The following NR2F1-AS1 variants were observed in gnomAD, a reference collection of about 807,000 sequenced individuals.
The protein encoded by NR2F1-AS1 is NR2F1 antisense RNA 1.
intron 4 of NR2F1-AS1, among the ~76,000 whole-genome samples, chr5:93,548,723 T>TG (rs1752151682): frequency 6.6e-6 from 1 of 151,102 alleles, no homozygotes; most frequent in South Asian, 2.1e-4. Flanking sequence ...AAAAAAAAAT[T>TG]GACTGGGTGT....
intron 4 of NR2F1-AS1, among the ~76,000 whole-genome samples, chr5:93,550,865 A>G (rs1223309537): frequency 6.6e-6 from 1 of 152,220 alleles, no homozygotes; most frequent in Non-Finnish European, 1.5e-5. Context: ...AACCTGATTC[A>G]TAATTCACTT....
At chr5:93,563,569 C>T (rs1158506562) in intron 1 of NR2F1-AS1, 1 of 152,140 alleles carries the variant, frequency 6.6e-6, no homozygotes, top group African/African-American at 2.4e-5. Context: ...AATATTCTCA[C>T]ACACACCCTA....
At chr5:93,433,457 G>C (rs1246512921) in intron 4 of NR2F1-AS1, among the ~76,000 whole-genome samples, 2 of 152,134 alleles carry the variant, frequency 1.3e-5, no homozygotes, top group East Asian at 1.9e-4. Flanking sequence ...GCTCAGGCAG[G>C]GTTCCTCTCT....
At chr5:93,556,344 T>C (rs760270838) in intron 2 of NR2F1-AS1, among the ~76,000 whole-genome samples, 11 of 152,218 alleles carry the variant, frequency 7.2e-5, no homozygotes, top group Non-Finnish European at 1.3e-4. Context: ...AAAGCAAATG[T>C]TCATACATGA....
intron 4 of NR2F1-AS1, among the ~76,000 whole-genome samples, chr5:93,420,993 C>T (rs1176542320): frequency 6.6e-6 from 1 of 152,174 alleles, no homozygotes; most frequent in Non-Finnish European, 1.5e-5. Context: ...TATCCAAAAT[C>T]ATGCTTCATA....
chr5:93,472,545 T>C (rs1362146436), intron 4 of NR2F1-AS1, among the ~76,000 whole-genome samples: 1 of 151,824 alleles, frequency 6.6e-6, no homozygotes, highest in Non-Finnish European at 1.5e-5. Context: ...AAAAATTAAA[T>C]TTGCTAAATG....
intron 4 of NR2F1-AS1, among the ~76,000 whole-genome samples, chr5:93,494,103 G>T (rs958519868): frequency 1.4e-4 from 22 of 152,116 alleles, no homozygotes; most frequent in African/African-American, 5.1e-4. Context: ...AATTATACCT[G>T]ATAAAGGATT....
chr5:93,492,960 T>C (rs1750884177), intron 4 of NR2F1-AS1, among the ~76,000 whole-genome samples: 1 of 152,072 alleles, frequency 6.6e-6, no homozygotes, highest in Non-Finnish European at 1.5e-5. Flanking sequence ...GAATGAAAGC[T>C]TTCCCCTAAG....
At chr5:93,548,386 G>A (rs1188024216) in intron 4 of NR2F1-AS1, among the ~76,000 whole-genome samples, 4 of 151,880 alleles carry the variant, frequency 2.6e-5, no homozygotes, top group African/African-American at 4.8e-5. Flanking sequence ...ACCATATATC[G>A]TTTACCTCAG....
At chr5:93,537,843 A>G (rs1751870229) in intron 4 of NR2F1-AS1, among the ~76,000 whole-genome samples, 1 of 152,214 alleles carries the variant, frequency 6.6e-6, no homozygotes, top group Non-Finnish European at 1.5e-5. Context: ...GTCCTTCATT[A>G]TAAGGCATAT....
chr5:93,497,224 T>C (rs1237213882), intron 4 of NR2F1-AS1, among the ~76,000 whole-genome samples: 2 of 152,118 alleles, frequency 1.3e-5, no homozygotes, highest in Non-Finnish European at 2.9e-5. Context: ...ATAAATGCAA[T>C]GTGAAGGACG....
chr5:93,451,196 A>T (rs1039332525), intron 4 of NR2F1-AS1, among the ~76,000 whole-genome samples: 2 of 151,848 alleles, frequency 1.3e-5, no homozygotes, highest in Non-Finnish European at 2.9e-5. Flanking sequence ...ATTACTAATA[A>T]CTCCATTTTA....
At chr5:93,439,344 A>C (rs1665296936) in intron 4 of NR2F1-AS1, among the ~76,000 whole-genome samples, 1 of 152,150 alleles carries the variant, frequency 6.6e-6, no homozygotes, top group African/African-American at 2.4e-5. Context: ...CCCAGGCTGG[A>C]GTGGAGTGGC....
At chr5:93,551,518 G>T (rs905962948) in intron 4 of NR2F1-AS1, among the ~76,000 whole-genome samples, 2 of 152,110 alleles carry the variant, frequency 1.3e-5, no homozygotes, top group Non-Finnish European at 2.9e-5. Flanking sequence ...ACTGAGCCAT[G>T]TAAGAATGTG....
chr5:93,560,319 A>G (rs1752458662), intron 2 of NR2F1-AS1, among the ~76,000 whole-genome samples: 1 of 152,238 alleles, frequency 6.6e-6, no homozygotes, highest in East Asian at 1.9e-4. Context: ...TATACTGTAC[A>G]CAAAATATTG....
intron 4 of NR2F1-AS1, among the ~76,000 whole-genome samples, chr5:93,481,716 A>T (rs1750603809): frequency 6.6e-6 from 1 of 151,372 alleles, no homozygotes; most frequent in African/African-American, 2.5e-5. Context: ...ATCTTCTACA[A>T]CAACAATGAA....
intron 2 of NR2F1-AS1, among the ~76,000 whole-genome samples, chr5:93,563,149 C>G (rs1407626847): frequency 6.6e-6 from 1 of 152,128 alleles, no homozygotes; most frequent in East Asian, 1.9e-4. Context: ...TATTTAAGCC[C>G]CTATAATTCT....
At chr5:93,460,231 G>A (rs1750059244) in intron 4 of NR2F1-AS1, among the ~76,000 whole-genome samples, 2 of 152,098 alleles carry the variant, frequency 1.3e-5, no homozygotes, top group African/African-American at 2.4e-5. Flanking sequence ...CCATTTCTTA[G>A]GTACAGACTC....
intron 2 of NR2F1-AS1, among the ~76,000 whole-genome samples, chr5:93,558,526 G>A (rs1210363119): frequency 6.6e-6 from 1 of 151,780 alleles, no homozygotes; most frequent in African/African-American, 2.4e-5. Flanking sequence ...TTCACCATGT[G>A]GGCCAGGCTG....
Sources: allele counts gnomAD v4.1 joint callset (sites outside exome capture counted in the v4.1 genomes callset), GRCh38; gene constraint gnomAD v4.1.1; transcripts MANE v1.5; gene names NCBI Gene and HGNC (gene_info 2026-07-23, HGNC 2026-07-21).